The following NRIP3 variants were observed in gnomAD, a reference collection of about 807,000 sequenced individuals.
NRIP3 encodes nuclear receptor interacting protein 3, also known as nuclear receptor-interacting protein 3.
In NRIP3, 31 loss-of-function variants were observed where a neutral mutation model predicts 29.0. The observed-to-expected ratio is 1.07, with a 90% CI of 0.80 to 1.44. The LOEUF (loss-of-function observed/expected upper bound fraction) is 1.44, where lower values mean the gene tolerates loss of function less well. NRIP3 is among the 40% of genes most tolerant of loss of function. The pLI is 0.00. For missense variants in NRIP3, 314 were observed against 297.9 expected (o/e 1.05, Z -0.40); for synonymous variants, 131 against 118.3 (o/e 1.11, Z -0.70).
intron 1 of NRIP3, 84 bp from the exon 2 acceptor site, chr11:8,988,366 A>C (rs942020866): frequency 8.9e-7 from 1 of 1,129,190 alleles, no homozygotes. Flanking sequence ...AAAAATAATG[A>C]AGGAGCCTCC....
rs1387141431 is a variant in NRIP3 at position 8,981,858 on chromosome 11, T to C, written c.*1687A>G. The C allele has an allele frequency of 1.3e-5, 2 of 152,202 alleles. No individual in the cohort carries two copies. The highest frequency in any genetic ancestry group is 4.8e-5 in the African/African-American group (2 of 41,450). The allele number at this position is 152,202 out of a possible 1,614,324, so 9.4% of individuals were successfully genotyped here. On this transcript the variant is annotated 3_prime_UTR_variant, in exon 7 of 7. Transcript: ENST00000309166. ...AGGGAATGACCCCATGACAACTGAC[T>C]GCAGTATGGCTGCCTAGTTGTTCAA... is the stretch of plus-strand genomic sequence containing the variant.
chr11:8,989,397 A>C (rs1854563944), intron 1 of NRIP3, among the ~76,000 whole-genome samples: 1 of 152,186 alleles, frequency 6.6e-6, no homozygotes, highest in Non-Finnish European at 1.5e-5. Context: ...CATATACCAG[A>C]TGACACTTTC....
At chr11:8,984,211 C>A in intron 4 of NRIP3, 87 bp from the exon 5 acceptor site, 1 of 771,692 alleles carries the variant, frequency 1.3e-6, no homozygotes, top group South Asian at 1.5e-5. Context: ...TCCATCCATC[C>A]ATCCAATAAC....
intron 1 of NRIP3, among the ~76,000 whole-genome samples, chr11:8,995,397 A>T (rs1854684305): frequency 6.6e-6 from 1 of 152,218 alleles, no homozygotes; most frequent in South Asian, 2.1e-4. Context: ...AACTCCAAAG[A>T]CTTGTTCAGT....
chr11:8,983,594 G>A lies in NRIP3; in HGVS notation c.711-34C>T, dbSNP rs749538323. 2.5e-6 allele frequency: 4 copies of A among 1,606,296 alleles called. No individual in the cohort carries two copies. In the Admixed American group the frequency reaches 5.1e-5, roughly 20 times the overall value. ...AGAAATAAATATCAGGAGAAATAAT[G>A]CCAAATTCAAAAAAAGTTAAGCTGA... is the stretch of plus-strand genomic sequence containing the variant. On this transcript the variant is annotated intron_variant, in intron 6 of 6. Coordinates refer to ENST00000309166, the MANE Select transcript of NRIP3 (RefSeq NM_020645.3).
At chr11:8,983,595 C>G in intron 6 of NRIP3, 35 bp from the exon 7 acceptor site, 2 of 1,604,876 alleles carry the variant, frequency 1.2e-6, no homozygotes, top group East Asian at 2.2e-5. Context: ...AGAAATAATG[C>G]CAAATTCAAA....
intron 1 of NRIP3, among the ~76,000 whole-genome samples, chr11:8,996,466 A>C (rs1854708248): frequency 6.6e-6 from 1 of 151,764 alleles, no homozygotes; most frequent in Non-Finnish European, 1.5e-5. Flanking sequence ...TTTTTAGTGG[A>C]GATGAGGTTT....
At chr11:9,003,692 C>T in intron 1 of NRIP3, 70 bp downstream of exon 1, 1 of 1,329,350 alleles carries the variant, frequency 7.5e-7, no homozygotes, top group South Asian at 1.8e-5. Context: ...AAAGCCGCAA[C>T]GGCCGGGCCT....
chr11:8,984,176 G>A (rs961267068), intron 4 of NRIP3, 52 bp from the exon 5 acceptor site: 11 of 1,286,322 alleles, frequency 8.6e-6, no homozygotes, highest in Non-Finnish European at 1.2e-5. Flanking sequence ...TGCTTGCTTA[G>A]AAGTTGGCCT....
chr11:9,003,725 C>CGCCGGG (rs1452791642), intron 1 of NRIP3, 37 bp downstream of exon 1: 1 of 1,371,188 alleles, frequency 7.3e-7, no homozygotes, highest in African/African-American at 1.5e-5. Context: ...GGCGCGAAGC[C>CGCCGGG]GCCGGGGCCG....
intron 4 of NRIP3, 34 bp from the exon 5 acceptor site, chr11:8,984,158 C>A: frequency 6.8e-7 from 1 of 1,478,254 alleles, no homozygotes; most frequent in South Asian, 1.1e-5. Flanking sequence ...AAGATTTAGC[C>A]ATTTCCATGC....
At chr11:8,994,388 G>A (rs1053484080) in intron 1 of NRIP3, among the ~76,000 whole-genome samples, 1 of 152,176 alleles carries the variant, frequency 6.6e-6, no homozygotes, top group Non-Finnish European at 1.5e-5. Flanking sequence ...TCTCTATAGA[G>A]GAGTTCAGCA....
intron 1 of NRIP3, among the ~76,000 whole-genome samples, chr11:8,989,205 T>C (rs1267182706): frequency 6.6e-6 from 1 of 152,236 alleles, no homozygotes; most frequent in African/African-American, 2.4e-5. Flanking sequence ...CTCCACTGTT[T>C]CTATTCAAAG....
At chr11:8,988,090 C>T (rs377509810) in intron 2 of NRIP3, 28 bp downstream of exon 2, 53 of 1,608,554 alleles carry the variant, frequency 3.3e-5, no homozygotes, top group Admixed American at 6.7e-5. Flanking sequence ...TCCAGAAAAC[C>T]CTGGAAAAGC....
At position 8,985,722 on chromosome 11, in the gene NRIP3, G is replaced by A; in HGVS notation, c.551C>T (p.Ala184Val). 1 of 1,613,964 alleles carries A rather than the reference G, an allele frequency of 6.2e-7. No homozygotes were observed. ...TCAATTCTGCTTACCAACCACAGCT[G>A]CTGGGCAGTCCAGGCGGAGGGAGCC... ...TLGSLRLDCP[A>V]AVVDDNEKNL... Residue 184 changes from alanine to valine, a missense_variant, in exon 4 of 7, where the codon GCA becomes GTA. By Grantham distance (64) the Ala-to-Val change is moderately conservative (BLOSUM62 0). Coordinates refer to ENST00000309166, the MANE Select transcript of NRIP3 (RefSeq NM_020645.3).
chr11:8,998,784 ATTTTTTTTTT>A lies in NRIP3; in HGVS notation c.174+4968_174+4977del, dbSNP rs767253373. On this transcript the variant is annotated intron_variant, in intron 1 of 6. Coordinates refer to ENST00000309166, the MANE Select transcript of NRIP3 (RefSeq NM_020645.3). ...AACTTGTTCAAAAATCAAACTCTTC[ATTTTTTTTTT>A]TTTTTTTTTTTTTTTTTGAGACAGA... Among the ~76,000 whole-genome samples the A allele has an allele frequency of 6.4e-5, 5 of 77,568 alleles. 1 individual carries two copies. The highest frequency in any genetic ancestry group is 1.5e-4 in the African/African-American group (3 of 19,574). 50.9% of individuals were successfully genotyped at this position (77,568 alleles called of 152,430 possible).
chr11:8,985,733 C>A lies in NRIP3; in HGVS notation c.540G>T (p.Leu180=), dbSNP rs1200688677. 6.2e-7 allele frequency: 1 copy of A among 1,613,912 alleles called. No individual in the cohort carries two copies. Among genetic ancestry groups the A allele is most frequent in the Admixed American group, 1.7e-5 (1 of 60,002 alleles). The change falls in exon 4 of 7, where the codon CTG becomes CTT. Residue 180 remains leucine (L), a synonymous_variant. Transcript: ENST00000309166. The part of the protein sequence containing the change: ...HLVITLGSLR[L]DCPAAVVDDN... Reference sequence around the variant, plus strand: ...TACCAACCACAGCTGCTGGGCAGTCCAGGCGGAGGGAGCCCAGTGTGATCA... The same window carrying A: ...TACCAACCACAGCTGCTGGGCAGTCAAGGCGGAGGGAGCCCAGTGTGATCA...
chr11:8,996,237 A>T (rs1327464532), intron 1 of NRIP3, among the ~76,000 whole-genome samples: 1 of 151,130 alleles, frequency 6.6e-6, no homozygotes, highest in African/African-American at 2.4e-5. Flanking sequence ...TACTGAAAGA[A>T]ATCTCTACCC....
At chr11:8,988,351 G>A (rs2134912970) in intron 1 of NRIP3, 69 bp from the exon 2 acceptor site, 2 of 1,335,598 alleles carry the variant, frequency 1.5e-6, no homozygotes, top group South Asian at 1.3e-5. Flanking sequence ...TCCCCCAGGT[G>A]CCATAAAAAT....
Sources: gnomAD v4.1 joint callset for allele counts (sites outside exome capture counted in the v4.1 genomes callset) on GRCh38, gnomAD v4.1.1 for gene constraint, MANE v1.5 for transcripts, NCBI Gene and HGNC (gene_info 2026-07-23, HGNC 2026-07-21) for gene names.